Variants in GRM8 observed in about 807,000 individuals in gnomAD.
The protein encoded by GRM8 is metabotropic glutamate receptor 8.
GRM8 carries 47 observed loss-of-function variants against 87.2 expected under a neutral mutation model. The ratio of observed to expected loss-of-function variants is 0.54; its 90% CI spans 0.43 to 0.69. The LOEUF is 0.69. Ranked by LOEUF, GRM8 falls within the 30% of genes least tolerant of loss-of-function variation. GRM8 has a pLI of 0.00. For missense variants in GRM8, 1,019 were observed against 1,139.2 expected (o/e 0.89, Z 1.52); for synonymous variants, 396 against 404.5 (o/e 0.98, Z 0.25).
chr7:126,574,548 G>A (rs1008031320), intron 8 of GRM8, among the ~76,000 whole-genome samples: 4 of 152,184 alleles, frequency 2.6e-5, no homozygotes, highest in Non-Finnish European at 5.9e-5. Context: ...TATACGGTCA[G>A]TGATGAAGCT....
chr7:126,864,380 C>T (rs137883110), intron 6 of GRM8, among the ~76,000 whole-genome samples: 13 of 152,100 alleles, frequency 8.5e-5, no homozygotes, highest in African/African-American at 1.4e-4. Flanking sequence ...ATTCTATCCT[C>T]GACAGCTCTA....
intron 6 of GRM8, among the ~76,000 whole-genome samples, chr7:126,881,197 G>T (rs1206480327): frequency 2.0e-5 from 3 of 152,146 alleles, no homozygotes; most frequent in African/African-American, 7.2e-5. Flanking sequence ...TGCATAAATT[G>T]TAGACAGACT....
In GRM8 at chr7:126,596,899, C is replaced by G. The variant is rs144591489; in HGVS notation, c.1494+12463G>C. ...GACATGGAATCTTAATTATTTCCTA[C>G]AACTGCAAATGTATCTGCAATTATC... On this transcript the variant is annotated intron_variant, in intron 8 of 10. Coordinates refer to ENST00000339582, the MANE Select transcript of GRM8 (RefSeq NM_000845.3). 7.9e-5 allele frequency among the ~76,000 whole-genome samples: 12 copies of G among 152,196 alleles called. No homozygotes were observed. In the South Asian group the frequency reaches 1.2e-3, roughly 16 times the overall value.
chr7:126,641,464 A>T lies in GRM8; in HGVS notation c.1358-31966T>A, dbSNP rs907207885. Among the ~76,000 whole-genome samples, 26 of 152,346 alleles carry T rather than the reference A, an allele frequency of 1.7e-4. 1 individual carries two copies. The highest frequency in any genetic ancestry group is 3.4e-3 in the Middle Eastern group (1 of 294). On this transcript the variant is annotated intron_variant, in intron 7 of 10. Coordinates refer to ENST00000339582, the MANE Select transcript of GRM8 (RefSeq NM_000845.3). ...TATTAATCAAAATAAAGAAAAAAAT[A>T]GTATGTGACATGGAGTAAGCATGGT...
At chr7:127,088,727 G>A (rs1489516774) in intron 3 of GRM8, among the ~76,000 whole-genome samples, 1 of 152,152 alleles carries the variant, frequency 6.6e-6, no homozygotes, top group African/African-American at 2.4e-5. Flanking sequence ...TCTTCTTCTT[G>A]TTGTAGGAGA....
intron 7 of GRM8, among the ~76,000 whole-genome samples, chr7:126,718,360 A>C (rs1185506457): frequency 2.6e-5 from 4 of 152,180 alleles, no homozygotes. Context: ...AAGAGTGTTT[A>C]TACCTGACTA....
chr7:126,749,798 C>T (rs555637922), intron 7 of GRM8, among the ~76,000 whole-genome samples: 7 of 151,898 alleles, frequency 4.6e-5, no homozygotes, highest in Non-Finnish European at 1.0e-4. Context: ...TATACACTCA[C>T]GAAAATAGCT....
chr7:126,925,915 T>C (rs950238887), intron 3 of GRM8, among the ~76,000 whole-genome samples: 7 of 152,222 alleles, frequency 4.6e-5, no homozygotes, highest in African/African-American at 1.7e-4. Context: ...TTCCCTGATA[T>C]AGCTTTCTTC....
intron 7 of GRM8, among the ~76,000 whole-genome samples, chr7:126,677,440 C>T (rs1460136783): frequency 1.3e-5 from 2 of 150,852 alleles, no homozygotes; most frequent in Admixed American, 6.6e-5. Flanking sequence ...TACAAAGATA[C>T]GGACTCAACC....
rs1217925589 is a variant in GRM8 at position 127,096,455 on chromosome 7, G to A, written c.727+10041C>T. Among the ~76,000 whole-genome samples, 4 of 152,138 alleles carry A rather than the reference G, an allele frequency of 2.6e-5. No individual in the cohort carries two copies. In the East Asian group the frequency reaches 5.8e-4, roughly 22 times the overall value. ...TGCACCTGTAATTCCAGCTACTCGG[G>A]AGACTGAGGTAGGAGAATCGCTTGA... On this transcript the variant is annotated intron_variant, in intron 3 of 10. Coordinates refer to ENST00000339582, the MANE Select transcript of GRM8 (RefSeq NM_000845.3).
At chr7:127,210,688 T>G (rs1587283670) in intron 2 of GRM8, among the ~76,000 whole-genome samples, 2 of 152,268 alleles carry the variant, frequency 1.3e-5, no homozygotes, top group Admixed American at 1.3e-4. Flanking sequence ...AGCCTAACAC[T>G]CTTTCCACTG....
intron 2 of GRM8, among the ~76,000 whole-genome samples, chr7:127,141,138 C>T (rs1828236209): frequency 6.6e-6 from 1 of 152,044 alleles, no homozygotes; most frequent in African/African-American, 2.4e-5. Context: ...CTATATGGTG[C>T]CAATGGCCAT....
At chr7:126,513,474 C>G (rs1339119328) in intron 9 of GRM8, among the ~76,000 whole-genome samples, 1 of 152,136 alleles carries the variant, frequency 6.6e-6, no homozygotes, top group Non-Finnish European at 1.5e-5. Context: ...ACCAGGACTT[C>G]TTAGGAAGTT....
At chr7:127,053,397 A>T (rs1384252115) in intron 3 of GRM8, among the ~76,000 whole-genome samples, 1 of 152,230 alleles carries the variant, frequency 6.6e-6, no homozygotes, top group Non-Finnish European at 1.5e-5. Flanking sequence ...TTGAGAAATG[A>T]TAAACTCATT....
chr7:127,153,403 C>T (rs1237521064), intron 2 of GRM8, among the ~76,000 whole-genome samples: 3 of 152,074 alleles, frequency 2.0e-5, no homozygotes, highest in Admixed American at 6.6e-5. Flanking sequence ...AGACCACAGC[C>T]GAAACCTTGA....
chr7:126,749,360 A>AAG (rs1171907384), intron 7 of GRM8, among the ~76,000 whole-genome samples: 1 of 151,882 alleles, frequency 6.6e-6, no homozygotes, highest in East Asian at 1.9e-4. Flanking sequence ...AAACTTCGAG[A>AAG]AGAAACAATG....
intron 7 of GRM8, among the ~76,000 whole-genome samples, chr7:126,609,869 A>C (rs1798744497): frequency 1.3e-5 from 2 of 152,268 alleles, no homozygotes; most frequent in Admixed American, 6.5e-5. Flanking sequence ...GCTATTGTAC[A>C]ATACGAACTA....
intron 3 of GRM8, among the ~76,000 whole-genome samples, chr7:126,925,136 A>T (rs570524986): frequency 1.3e-5 from 2 of 152,290 alleles, no homozygotes; most frequent in African/African-American, 4.8e-5. Context: ...ACTCCCCAAA[A>T]TAGCACTTGA....
Position 127,160,685 on chromosome 7 carries a change from G to GA in GRM8, c.511-53974dup, listed in dbSNP as rs146813457. Among the ~76,000 whole-genome samples the GA allele has an allele frequency of 2.6e-3, 396 of 152,160 alleles. 2 individuals are homozygous for GA. Among genetic ancestry groups the GA allele is most frequent in the African/African-American group, 8.5e-3 (351 of 41,510 alleles). Reference sequence around the variant, plus strand: ...GGAGCTGTGGAAGGGATGCTAGGGAGAAAAAAGCAGTTTTCTGGCAAAAGA... The same window carrying GA: ...GGAGCTGTGGAAGGGATGCTAGGGAGAAAAAAAGCAGTTTTCTGGCAAAAGA... On this transcript the variant is annotated intron_variant, in intron 2 of 10. Transcript: ENST00000339582.
Sources: gnomAD v4.1 joint callset for allele counts (sites outside exome capture counted in the v4.1 genomes callset) on GRCh38, gnomAD v4.1.1 for gene constraint, MANE v1.5 for transcripts, NCBI Gene and HGNC (gene_info 2026-07-23, HGNC 2026-07-21) for gene names.